The following CHD1L variants were observed in gnomAD, a reference collection of about 807,000 sequenced individuals.
CHD1L encodes the protein chromodomain helicase DNA binding protein 1 like, also known as ATP-dependent chromatin remodeler CHD1L.
In CHD1L, 118 loss-of-function variants were observed where a neutral mutation model predicts 115.9. The ratio of observed to expected loss-of-function variants is 1.02; its 90% CI spans 0.88 to 1.19. The LOEUF is 1.19. Among genes scored for constraint, CHD1L ranks in the 50% most tolerant of loss-of-function variants. The probability of loss-of-function intolerance (pLI) is 0.00; values close to 1 mark genes in which losing one functional copy is unlikely to be tolerated. For missense variants in CHD1L, 1,179 were observed against 1,065.3 expected, an observed-to-expected ratio of 1.11 and a Z score of -1.49; for synonymous variants, 411 against 387.1, an observed-to-expected ratio of 1.06 and a Z score of -0.72.
rs149996735 is a variant in CHD1L, at chr1:147,242,781, C to T, written c.78C>T (p.Ala26=). ...FLLRLHTEGR[A]EAARVQEQDL... ...TGCGGCTTCATACTGAGGGCCGAGCCGAGGCGGCGCGGGTGCAGGAGCAGG... is the reference window on the plus strand; with the variant it reads ...TGCGGCTTCATACTGAGGGCCGAGCTGAGGCGGCGCGGGTGCAGGAGCAGG... The change falls in exon 1 of 23, where the codon GCC becomes GCT. Residue 26 remains alanine, a synonymous_variant. Coordinates refer to ENST00000369258, the MANE Select transcript of CHD1L (RefSeq NM_004284.6). 2.9e-4 allele frequency: 373 copies of T among 1,271,778 alleles called. 3 individuals carry two copies. In the East Asian group the frequency reaches 8.4e-3, roughly 29 times the overall value. 78.8% of individuals were successfully genotyped at this position (1,271,778 alleles called of 1,614,324 possible). A position where few individuals can be genotyped will look rare whatever the true frequency, so the allele number is the denominator to read the frequency against.
chr1:147,252,758 C>G, intron 2 of CHD1L, 23 bp downstream of exon 2: 1 of 1,518,854 alleles, frequency 6.6e-7, no homozygotes, highest in Non-Finnish European at 9.1e-7. Context: ...GCGACGAGTA[C>G]TGCTCACCGC....
the CHD1L span, among the ~76,000 whole-genome samples, chr1:147,200,108 T>G: frequency 5.9e-5 from 9 of 152,178 alleles, no homozygotes; most frequent in Non-Finnish European, 1.0e-4. Context: ...CCTTTTCTGC[T>G]TAGAATTTCA....
chr1:147,262,181 G>A (rs1553944571), intron 6 of CHD1L, among the ~76,000 whole-genome samples: 1 of 129,368 alleles, frequency 7.7e-6, no homozygotes, highest in Non-Finnish European at 1.6e-5. Context: ...GGGCGACAGA[G>A]CGAGACTCTG....
At chr1:147,260,103 A>G (rs587606659) in intron 6 of CHD1L, 185 bp downstream of exon 6, 136 of 462,240 alleles carry the variant, frequency 2.9e-4, no homozygotes, top group African/African-American at 1.6e-3. Flanking sequence ...CCCATTATCA[A>G]CATACCCCAC....
chr1:147,195,262 C>T, the CHD1L span, among the ~76,000 whole-genome samples: 1 of 152,034 alleles, frequency 6.6e-6, no homozygotes, highest in African/African-American at 2.4e-5. Context: ...TTCCTTTCAT[C>T]TTCCATCACT....
the CHD1L span, chr1:147,224,858 G>A: frequency 1.3e-6 from 2 of 1,595,576 alleles, no homozygotes; most frequent in African/African-American, 2.7e-5. Context: ...GTTGCAGGGA[G>A]GGTTTCAAGT....
At chr1:147,235,551 C>A in the CHD1L span, among the ~76,000 whole-genome samples, 1 of 152,080 alleles carries the variant, frequency 6.6e-6, no homozygotes, top group African/African-American at 2.4e-5. Context: ...AGGTGGGGAA[C>A]CCCCTTGCAT....
At chr1:147,260,856 C>T (rs1202537483) in intron 6 of CHD1L, 3 of 152,124 alleles carry the variant, frequency 2.0e-5, no homozygotes, top group African/African-American at 7.2e-5. Flanking sequence ...TAGATGGGCC[C>T]TTTTTTCCGA....
At chr1:147,292,321 A>G (rs1395371737) in intron 20 of CHD1L, among the ~76,000 whole-genome samples, 1 of 152,190 alleles carries the variant, frequency 6.6e-6, no homozygotes, top group Non-Finnish European at 1.5e-5. Context: ...ACTAACACAT[A>G]TGTCCTCTGC....
At chr1:147,263,720 C>T (rs1553945849) in intron 6 of CHD1L, among the ~76,000 whole-genome samples, 2 of 152,010 alleles carry the variant, frequency 1.3e-5, no homozygotes, top group Non-Finnish European at 2.9e-5. Context: ...CTCTCTTACT[C>T]TTGGTGTTCT....
chr1:147,263,542 T>A (rs1327392316), intron 6 of CHD1L, among the ~76,000 whole-genome samples: 1 of 152,212 alleles, frequency 6.6e-6, no homozygotes, highest in East Asian at 1.9e-4. Flanking sequence ...GAGAATATCT[T>A]TTGCTTGACC....
chr1:147,278,020 G>C (rs1367992624), intron 14 of CHD1L, among the ~76,000 whole-genome samples: 3 of 152,078 alleles, frequency 2.0e-5, no homozygotes, highest in East Asian at 1.9e-4. Context: ...TGGGAACATG[G>C]ACTGCTGGCT....
At chr1:147,220,812 G>A in the CHD1L span, among the ~76,000 whole-genome samples, 4 of 151,664 alleles carry the variant, frequency 2.6e-5, no homozygotes, top group Non-Finnish European at 5.9e-5. Flanking sequence ...ATGTACCCCC[G>A]AACCTAAAAT....
chr1:147,238,870 C>CTA (rs1350544484), upstream of CHD1L, among the ~76,000 whole-genome samples: 3 of 152,058 alleles, frequency 2.0e-5, no homozygotes, highest in Non-Finnish European at 2.9e-5. Context: ...GCCTTGTTTC[C>CTA]ACCTGAATTG....
chr1:147,179,942 T>A, the CHD1L span, among the ~76,000 whole-genome samples: 1 of 113,978 alleles, frequency 8.8e-6, no homozygotes, highest in Non-Finnish European at 1.7e-5. Flanking sequence ...ATAAGACCCC[T>A]TTAAACTGTA....
chr1:147,210,539 G>C, the CHD1L span: 1 of 152,078 alleles, frequency 6.6e-6, no homozygotes, highest in South Asian at 2.1e-4. Flanking sequence ...TGATAATTAT[G>C]TACTTCCACA....
chr1:147,244,100 T>C (rs1196369928), intron 1 of CHD1L, among the ~76,000 whole-genome samples: 1 of 152,250 alleles, frequency 6.6e-6, no homozygotes, highest in Non-Finnish European at 1.5e-5. Context: ...CGAAAGTTTA[T>C]GTTTGTGGGT....
In CHD1L at chr1:147,286,336, G is replaced by A; in HGVS notation, c.2057G>A (p.Cys686Tyr). 1 of 1,614,104 alleles carries A rather than the reference G, an allele frequency of 6.2e-7. No homozygotes were observed. Among genetic ancestry groups the A allele is most frequent in the Non-Finnish European group, 8.5e-7 (1 of 1,180,022 alleles). The change falls in exon 18 of 23, where the codon TGC (cysteine) becomes TAC (tyrosine). Residue 686 changes from cysteine (C) to tyrosine (Y), a missense_variant. Cys to Tyr is a radical substitution (Grantham distance 194, BLOSUM62 -2). Coordinates refer to ENST00000369258, the MANE Select transcript of CHD1L (RefSeq NM_004284.6). ...WWESNNYQSFCLPSEESEPED... is the reference protein window; with the variant it reads ...WWESNNYQSFYLPSEESEPED... ...GAATCCAACAATTACCAGTCCTTCT[G>A]CCTGCCCTCTGAGGAGAGCGAGCCA...
At chr1:147,288,309 T>G (rs1572165447) in intron 19 of CHD1L, among the ~76,000 whole-genome samples, 7 of 93,948 alleles carry the variant, frequency 7.5e-5, no homozygotes, top group Non-Finnish European at 1.2e-4. Context: ...TGAGTGAGAG[T>G]GAGACCCTGT....
Sources: gnomAD v4.1 joint callset for allele counts (sites outside exome capture counted in the v4.1 genomes callset) on GRCh38, gnomAD v4.1.1 for gene constraint, MANE v1.5 for transcripts, NCBI Gene and HGNC (gene_info 2026-07-23, HGNC 2026-07-21) for gene names.